The following VPS29 variants were observed in gnomAD, a reference collection of about 807,000 sequenced individuals.
VPS29 encodes the protein vacuolar protein sorting-associated protein 29.
In VPS29, 2 loss-of-function variants were observed where a neutral mutation model predicts 20.0. That is an observed-to-expected ratio of 0.10 (90% CI 0.04 to 0.31). VPS29 has a LOEUF of 0.31. VPS29 is among the 10% of genes least tolerant of loss of function. The probability of loss-of-function intolerance (pLI) is 1.00; values close to 1 mark genes in which losing one functional copy is unlikely to be tolerated. For missense variants in VPS29, 120 were observed against 215.3 expected (o/e 0.56, Z 2.77); for synonymous variants, 81 against 79.3 (o/e 1.02, Z -0.12).
In VPS29 at chr12:110,502,055, G is replaced by A. The variant is rs780501553; in HGVS notation, c.-4C>T. 4 of 1,612,238 alleles carry A rather than the reference G, an allele frequency of 2.5e-6. No individual in the cohort carries two copies. Among genetic ancestry groups the A allele is most frequent in the Non-Finnish European group, 2.5e-6 (3 of 1,179,946 alleles). On this transcript the variant is annotated 5_prime_UTR_variant, in exon 1 of 4. Transcript: ENST00000549578. ...CCGCAACTGCAGCCCTCACCATCCT[G>A]TCACCGGGCTCCGCTCAGTCACCAC...
At chr12:110,492,712 C>A (rs1412575077) in intron 3 of VPS29, among the ~76,000 whole-genome samples, 1 of 151,666 alleles carries the variant, frequency 6.6e-6, no homozygotes, top group Non-Finnish European at 1.5e-5. Flanking sequence ...GTCTCAACCT[C>A]CTAGGCTCAA....
At chr12:110,492,605 T>TTATG (rs2062835115) in intron 3 of VPS29, among the ~76,000 whole-genome samples, 3 of 39,408 alleles carry the variant, frequency 7.6e-5, no homozygotes, top group Admixed American at 7.6e-4. Context: ...TTTATTTTAT[T>TTATG]TATTTATTTA....
chr12:110,501,983 C>A (rs1256970255), intron 1 of VPS29, 66 bp downstream of exon 1: 1 of 1,612,640 alleles, frequency 6.2e-7, no homozygotes, highest in Non-Finnish European at 8.5e-7. Flanking sequence ...GGCCTCCCCA[C>A]GGCTCCCAAC....
intron 3 of VPS29, among the ~76,000 whole-genome samples, chr12:110,492,599 TTTTA>T (rs58647450): frequency 0.074 from 9,805 of 132,170 alleles, 533 homozygotes; most frequent in African/African-American, 0.15. Context: ...TTTATTTTTA[TTTTA>T]TTTATTTATT....
rs374076151 is a variant in VPS29, at chr12:110,501,584, C to T, written c.3+465G>A. 4,330 of 1,535,116 alleles carry T rather than the reference C, an allele frequency of 2.8e-3. 7 individuals carry two copies. The highest frequency in any genetic ancestry group is 3.4e-3 in the Non-Finnish European group (3,948 of 1,146,548). ...CCTAGATGGCAAAGTTAAACGGGTA[C>T]GAAATTCTGCTCGCTACTTCCTGTT... On this transcript the variant is annotated intron_variant, in intron 1 of 3. Transcript: ENST00000549578.
Position 110,492,077 on chromosome 12 carries a change from T to C in VPS29, c.477A>G (p.Thr159=). The change falls in exon 4 of 4, where the codon ACA becomes ACG. Residue 159 remains threonine (T), a synonymous_variant. Transcript: ENST00000549578. ...SFVLMDIQAS[T]VVTYVYQLIG... is the part of the protein sequence containing the mutation. ...TTAGCTGATACACATAGGTGACCACTGTAGAAGCCTGGATATCCATCAACA... is the reference window on the plus strand; with the variant it reads ...TTAGCTGATACACATAGGTGACCACCGTAGAAGCCTGGATATCCATCAACA... 4 of 1,613,784 alleles carry C rather than the reference T, an allele frequency of 2.5e-6. No individual in the cohort carries two copies. Among genetic ancestry groups the C allele is most frequent in the Middle Eastern group, 1.6e-4 (1 of 6,062 alleles).
chr12:110,492,904 G>T, intron 3 of VPS29, 92 bp downstream of exon 3: 2 of 1,175,952 alleles, frequency 1.7e-6, no homozygotes, highest in Non-Finnish European at 1.2e-6. Flanking sequence ...ACAGGCATGA[G>T]CCACTGTGCC....
intron 2 of VPS29, among the ~76,000 whole-genome samples, chr12:110,495,193 C>A (rs1249527065): frequency 6.6e-6 from 1 of 152,186 alleles, no homozygotes; most frequent in Non-Finnish European, 1.5e-5. Flanking sequence ...AAAACTCCCT[C>A]ATGCCCTATA....
At position 110,491,822 on chromosome 12, in the gene VPS29, C is replaced by T. The variant is rs1380788195; in HGVS notation, c.*183G>A. On this transcript the variant is annotated 3_prime_UTR_variant, in exon 4 of 4. Coordinates refer to ENST00000549578, the MANE Select transcript of VPS29 (RefSeq NM_016226.5). Reference sequence around the variant, plus strand: ...TTTCATAGAATCCATATACTGTAAACTAAATATATTCTTATAGTTTACAGG... The same window carrying T: ...TTTCATAGAATCCATATACTGTAAATTAAATATATTCTTATAGTTTACAGG... 11 of 566,848 alleles carry T rather than the reference C, an allele frequency of 1.9e-5. No individual in the cohort carries two copies. Among genetic ancestry groups the T allele is most frequent in the Non-Finnish European group, 2.5e-5 (8 of 323,548 alleles). The allele number at this position is 566,848 out of a possible 1,614,324, so 35.1% of individuals were successfully genotyped here. A position where few individuals can be genotyped will look rare whatever the true frequency, so the allele number is the denominator to read the frequency against.
chr12:110,491,997 G>T lies in VPS29; in HGVS notation c.*8C>A. On this transcript the variant is annotated 3_prime_UTR_variant, in exon 4 of 4. Transcript: ENST00000549578. ...AAAAAACCAAAAATCATCAAGACAG[G>T]CCTGGCTTTAAGGTTTTTTGTATTC... 6.2e-7 allele frequency: 1 copy of T among 1,606,298 alleles called. No homozygotes were observed. Among genetic ancestry groups the T allele is most frequent in the Non-Finnish European group, 8.5e-7 (1 of 1,173,912 alleles).
chr12:110,498,881 A>C, intron 1 of VPS29: 1 of 972,394 alleles, frequency 1.0e-6, no homozygotes, highest in Non-Finnish European at 1.2e-6. Context: ...TGAAGTACAT[A>C]GTTAGTATGG....
At chr12:110,494,313 C>T (rs1375257753) in intron 2 of VPS29, among the ~76,000 whole-genome samples, 2 of 145,958 alleles carry the variant, frequency 1.4e-5, no homozygotes, top group African/African-American at 2.5e-5. Context: ...AGTGCAGTGG[C>T]GCGATCTCGG....
chr12:110,501,814 G>T, intron 1 of VPS29: 2 of 1,163,338 alleles, frequency 1.7e-6, no homozygotes, highest in South Asian at 1.3e-5. Context: ...TTACCCCTTG[G>T]ATGGCCTCTG....
At chr12:110,495,890 AAAAG>A in intron 2 of VPS29, 118 bp downstream of exon 2, 1 of 912,840 alleles carries the variant, frequency 1.1e-6, no homozygotes, top group Non-Finnish European at 1.5e-6. Context: ...TTACATTTGG[AAAAG>A]AAAAAGGGAA....
rs117197655 is a variant in VPS29, at chr12:110,498,504, G to C, written c.4-2301C>G. 6.8e-3 allele frequency among the ~76,000 whole-genome samples: 1,041 copies of C among 152,210 alleles called. 1 individual carries two copies. The highest frequency in any genetic ancestry group is 9.4e-3 in the Non-Finnish European group (636 of 67,998). ...AATTAATCAAACAAACAAAATGTAT[G>C]AAATTAAAATGATTACCAAAAGAAG... On this transcript the variant is annotated intron_variant, in intron 1 of 3. Coordinates refer to ENST00000549578, the MANE Select transcript of VPS29 (RefSeq NM_016226.5).
At chr12:110,501,951 G>A (rs1220174696) in intron 1 of VPS29, 98 bp downstream of exon 1, 2 of 1,609,384 alleles carry the variant, frequency 1.2e-6, no homozygotes, top group African/African-American at 1.3e-5. Flanking sequence ...AGGCCTCCGG[G>A]ATTTCCCAAT....
chr12:110,501,590 T>C (rs1052439649), intron 1 of VPS29: 5 of 1,535,112 alleles, frequency 3.3e-6, no homozygotes. Context: ...GGTACGAAAT[T>C]CTGCTCGCTA....
chr12:110,495,901 G>GA (rs2062899093), intron 2 of VPS29, 111 bp downstream of exon 2: 1 of 1,015,170 alleles, frequency 9.9e-7, no homozygotes, highest in Non-Finnish European at 1.4e-6. Context: ...AAAGAAAAAG[G>GA]GAAAAAAAAA....
chr12:110,494,943 A>T (rs980552379), intron 2 of VPS29, among the ~76,000 whole-genome samples: 2 of 151,806 alleles, frequency 1.3e-5, no homozygotes, highest in Non-Finnish European at 2.9e-5. Context: ...GATGGTCTTG[A>T]TCTCTTGACC....
Sources: gnomAD v4.1 joint callset for allele counts (sites outside exome capture counted in the v4.1 genomes callset) on GRCh38, gnomAD v4.1.1 for gene constraint, MANE v1.5 for transcripts, NCBI Gene and HGNC (gene_info 2026-07-23, HGNC 2026-07-21) for gene names.